Variants in GPC6 observed in about 807,000 individuals in gnomAD.
The protein encoded by GPC6 is glypican-6.
GPC6 carries 14 observed loss-of-function variants against 55.2 expected under a neutral mutation model. The ratio of observed to expected loss-of-function variants is 0.25; its 90% CI spans 0.17 to 0.40. The LOEUF (loss-of-function observed/expected upper bound fraction) is 0.40, where lower values mean the gene tolerates loss of function less well. Among genes scored for constraint, GPC6 ranks in the 10% least tolerant of loss-of-function variants. The pLI is 1.00. For missense variants in GPC6, 641 were observed against 708.5 expected, an observed-to-expected ratio of 0.90 and a Z score of 1.08; for synonymous variants, 278 against 259.6, an observed-to-expected ratio of 1.07 and a Z score of -0.68.
At chr13:94,258,349 A>G (rs1013470944) in intron 4 of GPC6, among the ~76,000 whole-genome samples, 10 of 152,354 alleles carry the variant, frequency 6.6e-5, no homozygotes, top group South Asian at 2.1e-4. Flanking sequence ...CTCTTTGGCC[A>G]TAGCTATCAT....
chr13:94,389,708 G>C (rs1288063622), intron 7 of GPC6, among the ~76,000 whole-genome samples: 9 of 152,166 alleles, frequency 5.9e-5, no homozygotes, highest in Admixed American at 5.9e-4. Context: ...TGAGAGCCAA[G>C]TCCCACTGGC....
At chr13:94,211,823 G>A (rs1890087862) in intron 4 of GPC6, among the ~76,000 whole-genome samples, 1 of 152,168 alleles carries the variant, frequency 6.6e-6, no homozygotes, top group African/African-American at 2.4e-5. Context: ...TTTCCAGAGA[G>A]CAATTTACAA....
chr13:94,218,384 C>T (rs1395181001), intron 4 of GPC6, among the ~76,000 whole-genome samples: 2 of 152,104 alleles, frequency 1.3e-5, no homozygotes, highest in African/African-American at 2.4e-5. Flanking sequence ...GAAGCAACTG[C>T]TTGAGGCTGA....
chr13:93,425,882 C>T (rs879797212), intron 1 of GPC6, among the ~76,000 whole-genome samples: 1 of 152,158 alleles, frequency 6.6e-6, no homozygotes, highest in African/African-American at 2.4e-5. Flanking sequence ...ACCCTCCCTA[C>T]CCACTCCCTT....
chr13:93,391,690 C>A (rs1299283574), intron 1 of GPC6, among the ~76,000 whole-genome samples: 1 of 151,964 alleles, frequency 6.6e-6, no homozygotes, highest in Non-Finnish European at 1.5e-5. Context: ...ATTCTGCCAC[C>A]CCCTCAGGGT....
intron 3 of GPC6, among the ~76,000 whole-genome samples, chr13:93,969,783 C>A (rs1305035009): frequency 6.6e-6 from 1 of 152,018 alleles, no homozygotes; most frequent in African/African-American, 2.4e-5. Context: ...CTCATGAGAT[C>A]CACCTTTTTA....
intron 4 of GPC6, among the ~76,000 whole-genome samples, chr13:94,031,100 G>T (rs1883115922): frequency 6.7e-6 from 1 of 149,328 alleles, no homozygotes; most frequent in Admixed American, 6.8e-5. Flanking sequence ...GTGCGTGTGT[G>T]TGTGCGTGCA....
intron 1 of GPC6, among the ~76,000 whole-genome samples, chr13:93,529,411 G>C (rs920691412): frequency 6.6e-6 from 1 of 152,014 alleles, no homozygotes; most frequent in Non-Finnish European, 1.5e-5. Flanking sequence ...AGAATAGGTG[G>C]GTGGATGTCC....
chr13:93,983,655 C>T lies in GPC6; in HGVS notation c.712-44074C>T, dbSNP rs181761846. Among the ~76,000 whole-genome samples the T allele has an allele frequency of 1.7e-4, 26 of 151,634 alleles. No individual in the cohort carries two copies. In the East Asian group the frequency reaches 3.7e-3, roughly 22 times the overall value. On this transcript the variant is annotated intron_variant, in intron 3 of 8. Transcript: ENST00000377047. ...TTCATAGACCCTTAAAATTATAAAA[C>T]GATATACAGTTGTTAAACAAGAAAA...
intron 1 of GPC6, among the ~76,000 whole-genome samples, chr13:93,500,132 G>A (rs1594216076): frequency 1.3e-5 from 2 of 152,110 alleles, no homozygotes; most frequent in African/African-American, 4.8e-5. Context: ...AACCCACCAC[G>A]AGCAGATAGG....
At chr13:93,972,919 GTCTC>G (rs1880346510) in intron 3 of GPC6, among the ~76,000 whole-genome samples, 1 of 139,654 alleles carries the variant, frequency 7.2e-6, no homozygotes, top group African/African-American at 2.6e-5. Context: ...CTCTCTCTCT[GTCTC>G]TCTGTCTCTC....
At chr13:93,644,134 C>G (rs960763991) in intron 2 of GPC6, among the ~76,000 whole-genome samples, 1 of 151,984 alleles carries the variant, frequency 6.6e-6, no homozygotes, top group African/African-American at 2.4e-5. Context: ...TGCTTTTTAA[C>G]CTGTTAGCCT....
chr13:93,295,016 A>G (rs544989469), intron 1 of GPC6, among the ~76,000 whole-genome samples: 14 of 149,584 alleles, frequency 9.4e-5, no homozygotes, highest in Admixed American at 4.8e-4. Context: ...TGTGCCTGTA[A>G]TCCCAGAATG....
chr13:93,503,555 TTAGA>T lies in GPC6; in HGVS notation c.161-41704_161-41701del, dbSNP rs545636812. Among the ~76,000 whole-genome samples the T allele has an allele frequency of 7.3e-3, 1,112 of 152,320 alleles. 5 individuals are homozygous for T. The highest frequency in any genetic ancestry group is 0.011 in the Non-Finnish European group (741 of 68,012). On this transcript the variant is annotated intron_variant, in intron 1 of 8. Coordinates refer to ENST00000377047, the MANE Select transcript of GPC6 (RefSeq NM_005708.5). ...GGTCAGTGTTTGCTGACTCCTGCTCTTAGATAGCAGTCCTCAACATGGACATTGG... is the reference window on the plus strand; with the variant it reads ...GGTCAGTGTTTGCTGACTCCTGCTCTTAGCAGTCCTCAACATGGACATTGG...
chr13:93,765,239 G>GAAAGACAACTTTCCAGATAAGCTGTCTGA (rs1885081229), intron 2 of GPC6, among the ~76,000 whole-genome samples: 1 of 78,382 alleles, frequency 1.3e-5, no homozygotes, highest in African/African-American at 3.5e-5. Flanking sequence ...AAATTGTCTG[G>GAAAGACAACTTTCCAGATAAGCTGTCTGA]AAAGACAACT....
At chr13:93,911,820 C>A (rs1876998770) in intron 3 of GPC6, among the ~76,000 whole-genome samples, 1 of 152,134 alleles carries the variant, frequency 6.6e-6, no homozygotes, top group Non-Finnish European at 1.5e-5. Flanking sequence ...AGCTTATTAA[C>A]TGGTTGGTTA....
At chr13:93,720,889 T>C (rs539427825) in intron 2 of GPC6, among the ~76,000 whole-genome samples, 20 of 152,198 alleles carry the variant, frequency 1.3e-4, no homozygotes, top group African/African-American at 4.6e-4. Context: ...AGTGAGTTTC[T>C]TAATCCTGAG....
At chr13:93,879,881 A>G (rs1294684669) in intron 3 of GPC6, among the ~76,000 whole-genome samples, 3 of 151,760 alleles carry the variant, frequency 2.0e-5, no homozygotes, top group Admixed American at 2.0e-4. Flanking sequence ...AAAAACAAAC[A>G]ACCCCATCAA....
chr13:93,432,139 A>G (rs966523721), intron 1 of GPC6, among the ~76,000 whole-genome samples: 1 of 152,162 alleles, frequency 6.6e-6, no homozygotes, highest in African/African-American at 2.4e-5. Flanking sequence ...ATGTAATTTA[A>G]CTAATAATTA....
Sources: gnomAD v4.1 joint callset for allele counts (sites outside exome capture counted in the v4.1 genomes callset) on GRCh38, gnomAD v4.1.1 for gene constraint, MANE v1.5 for transcripts, NCBI Gene and HGNC (gene_info 2026-07-23, HGNC 2026-07-21) for gene names.